The following SLC36A4 variants were observed in gnomAD, a reference collection of about 807,000 sequenced individuals.
SLC36A4 encodes neutral amino acid uniporter 4.
SLC36A4 carries 49 observed loss-of-function variants against 50.5 expected under a neutral mutation model. That is an observed-to-expected ratio of 0.97 (90% confidence interval 0.77 to 1.23). SLC36A4 has a LOEUF of 1.23. SLC36A4 is among the 50% of genes most tolerant of loss of function. The pLI is 0.00. For synonymous variants in SLC36A4, 207 were observed against 206.5 expected, an observed-to-expected ratio of 1.00 and a Z score of -0.02; for missense variants, 611 against 608.4, an observed-to-expected ratio of 1.00 and a Z score of -0.05.
chr11:93,193,980 T>G (rs1042997815), intron 1 of SLC36A4, among the ~76,000 whole-genome samples: 1 of 152,190 alleles, frequency 6.6e-6, no homozygotes, highest in Admixed American at 6.5e-5. Flanking sequence ...GCACAGTTAC[T>G]TTATGAAATA....
chr11:93,148,722 G>A lies in SLC36A4; in HGVS notation c.1330C>T (p.His444Tyr). The change falls in exon 11 of 11, where the codon CAT becomes TAT. Residue 444 changes from histidine to tyrosine, a missense_variant. By Grantham distance (83) the His-to-Tyr change is moderately conservative (BLOSUM62 2). Coordinates refer to ENST00000326402, the MANE Select transcript of SLC36A4 (RefSeq NM_152313.4). ...TTCAGGACCATCCATATATTATAAT[G>A]TTCCTTCGAAAATGTAAGAATTTCA... is the stretch of plus-strand genomic sequence containing the variant. The part of the protein sequence containing the change: ...LVEILTFSKE[H>Y]YNIWMVLKNI... 2 of 1,612,886 alleles carry A rather than the reference G, an allele frequency of 1.2e-6. No individual in the cohort carries two copies. Among genetic ancestry groups the A allele is most frequent in the Non-Finnish European group, 1.7e-6 (2 of 1,179,330 alleles).
At chr11:93,163,092 C>T (rs1860704540) in intron 8 of SLC36A4, among the ~76,000 whole-genome samples, 1 of 151,870 alleles carries the variant, frequency 6.6e-6, no homozygotes, top group African/African-American at 2.4e-5. Flanking sequence ...GCAGGCAAAC[C>T]TGTTAGTTTT....
At chr11:93,166,375 T>C in intron 7 of SLC36A4, 1 of 998,294 alleles carries the variant, frequency 1.0e-6, no homozygotes, top group Non-Finnish European at 1.2e-6. Flanking sequence ...AGTCAAGTTA[T>C]CAACCACTGC....
At chr11:93,156,294 T>C (rs1403615113) in intron 9 of SLC36A4, among the ~76,000 whole-genome samples, 2 of 152,260 alleles carry the variant, frequency 1.3e-5, no homozygotes, top group Middle Eastern at 3.4e-3. Flanking sequence ...TGGGATGGTA[T>C]CACACTGTGG....
chr11:93,150,606 C>T (rs1860040114), intron 10 of SLC36A4, among the ~76,000 whole-genome samples: 1 of 151,984 alleles, frequency 6.6e-6, no homozygotes. Flanking sequence ...AAATAATTGA[C>T]TCTAAAGAAG....
chr11:93,197,491 C>T lies in SLC36A4; in HGVS notation c.55+287G>A, dbSNP rs1459359487. 3.4e-5 allele frequency: 17 copies of T among 498,346 alleles called. No individual in the cohort carries two copies. The Admixed American group carries it at 6.5e-4, about 19-fold the overall frequency. 30.9% of individuals were successfully genotyped at this position (498,346 alleles called of 1,614,324 possible). ...ACGGCGCAGGCTCTTGCGTCTTTGACGTGTACCCACAGGGCCCCGCCCCAC... is the reference window on the plus strand; with the variant it reads ...ACGGCGCAGGCTCTTGCGTCTTTGATGTGTACCCACAGGGCCCCGCCCCAC... On this transcript the variant is annotated intron_variant, in intron 1 of 10. Transcript: ENST00000326402.
Position 93,181,751 on chromosome 11 carries a change from A to G in SLC36A4, c.395T>C (p.Val132Ala), listed in dbSNP as rs1229988899. ...KKSTLGYSDT[V>A]SFAMEVSPWS... The stretch of plus-strand genomic sequence containing the variant: ...AGGACTCACTTCCATAGCAAAGCTC[A>G]CAGTGTCACTATAACCTAATGTTGA... The change falls in exon 5 of 11, where the codon GTG (valine) becomes GCG (alanine). Residue 132 changes from valine to alanine, a missense_variant. Physicochemically the swap from Val to Ala is moderately conservative, Grantham distance 64 (BLOSUM62 0). Coordinates refer to ENST00000326402, the MANE Select transcript of SLC36A4 (RefSeq NM_152313.4). 1 of 1,552,754 alleles carries G rather than the reference A, an allele frequency of 6.4e-7. No homozygotes were observed. Among genetic ancestry groups the G allele is most frequent in the Non-Finnish European group, 8.7e-7 (1 of 1,143,704 alleles).
chr11:93,165,819 TA>T, intron 8 of SLC36A4, 98 bp downstream of exon 8: 2 of 710,912 alleles, frequency 2.8e-6, no homozygotes, highest in Non-Finnish European at 2.1e-6. Context: ...AAAATTGAAA[TA>T]AAAAAGAAAA....
At chr11:93,195,822 CTCAAATTGTACCTTT>C (rs1862395856) in intron 1 of SLC36A4, among the ~76,000 whole-genome samples, 1 of 152,168 alleles carries the variant, frequency 6.6e-6, no homozygotes, top group Non-Finnish European at 1.5e-5. Flanking sequence ...CAGGTCTTTA[CTCAAATTGTACCTTT>C]TCAATAAGGC....
In SLC36A4 at chr11:93,145,472, T is replaced by C. The variant is rs1018534804; in HGVS notation, c.*3065A>G. 1 of 152,026 alleles carries C rather than the reference T, an allele frequency of 6.6e-6. No individual in the cohort carries two copies. Among genetic ancestry groups the C allele is most frequent in the Non-Finnish European group, 1.5e-5 (1 of 67,966 alleles). The allele number at this position is 152,026 out of a possible 1,614,324, so 9.4% of individuals were successfully genotyped here. ...TCTTAATTGTAAAGAAATCTGGCCA[T>C]GTGGGGAAAAGAAGTCCCTCTGAAA... On this transcript the variant is annotated 3_prime_UTR_variant, in exon 11 of 11. Transcript: ENST00000326402.
chr11:93,152,251 C>G (rs1860125222), intron 10 of SLC36A4: 1 of 152,150 alleles, frequency 6.6e-6, no homozygotes, highest in Non-Finnish European at 1.5e-5. Flanking sequence ...GCCTACTCTA[C>G]AAACATGACA....
At chr11:93,183,823 G>A (rs1305526477) in intron 3 of SLC36A4, among the ~76,000 whole-genome samples, 3 of 151,650 alleles carry the variant, frequency 2.0e-5, no homozygotes, top group Admixed American at 1.3e-4. Flanking sequence ...TCAGCCTCCC[G>A]AGTAGCTGGG....
At chr11:93,196,174 T>C (rs553785568) in intron 1 of SLC36A4, among the ~76,000 whole-genome samples, 10 of 152,342 alleles carry the variant, frequency 6.6e-5, no homozygotes, top group Non-Finnish European at 1.0e-4. Context: ...ATGTACATGC[T>C]GAACATCTTT....
chr11:93,181,566 C>T, intron 5 of SLC36A4, 125 bp downstream of exon 5: 1 of 665,882 alleles, frequency 1.5e-6, no homozygotes, highest in South Asian at 5.3e-5. Flanking sequence ...CTGTTTAACT[C>T]TAAGGGTTAC....
At chr11:93,193,995 A>G (rs1405538790) in intron 1 of SLC36A4, among the ~76,000 whole-genome samples, 1 of 152,170 alleles carries the variant, frequency 6.6e-6, no homozygotes. Flanking sequence ...GAAATATTGC[A>G]CTGACATTAA....
rs746302628 is a variant in SLC36A4, at chr11:93,197,775, G to A, written c.55+3C>T. 2 of 1,588,266 alleles carry A rather than the reference G, an allele frequency of 1.3e-6. No homozygotes were observed. The highest frequency in any genetic ancestry group is 1.7e-6 in the Non-Finnish European group (2 of 1,174,098). The stretch of plus-strand genomic sequence containing the variant: ...CGGCTCCCTGCCCACGCACAACACC[G>A]ACCTAGCTCCTCGCGCCTCGCCGCC... On this transcript the variant is annotated splice_donor_region_variant and intron_variant, in intron 1 of 10. Transcript: ENST00000326402.
Position 93,145,175 on chromosome 11 carries a change from T to C in SLC36A4, c.*3362A>G, listed in dbSNP as rs1243504812. The C allele has an allele frequency of 3.9e-5, 6 of 152,098 alleles. No individual in the cohort carries two copies. Among genetic ancestry groups the C allele is most frequent in the Admixed American group, 6.6e-5 (1 of 15,242 alleles). The allele number at this position is 152,098 out of a possible 1,614,324, so 9.4% of individuals were successfully genotyped here. A position where few individuals can be genotyped will look rare whatever the true frequency, so the allele number is the denominator to read the frequency against. On this transcript the variant is annotated 3_prime_UTR_variant, in exon 11 of 11. Transcript: ENST00000326402. ...CTTTAATATTTCAAGTAATATTTTA[T>C]AGTATTTTGCAGTTAAAGAGATTTT...
intron 7 of SLC36A4, chr11:93,167,519 T>G (rs528057738): frequency 6.5e-6 from 1 of 154,342 alleles, no homozygotes; most frequent in East Asian, 1.9e-4. Context: ...CAGACTAGTG[T>G]AGTGGCAGTG....
intron 8 of SLC36A4, among the ~76,000 whole-genome samples, chr11:93,165,101 G>T (rs1464482371): frequency 6.6e-6 from 1 of 152,104 alleles, no homozygotes; most frequent in Non-Finnish European, 1.5e-5. Context: ...ATTATCTAAA[G>T]GAGAATTCAC....
Sources: allele counts gnomAD v4.1 joint callset (sites outside exome capture counted in the v4.1 genomes callset), GRCh38; gene constraint gnomAD v4.1.1; transcripts MANE v1.5; gene names NCBI Gene and HGNC (gene_info 2026-07-23, HGNC 2026-07-21).